GPC5: variants seen among roughly 807,000 people sequenced by gnomAD.
GPC5 encodes glypican-5.
Under a neutral mutation model 53.9 loss-of-function variants are expected in GPC5, and 47 were observed. That is an observed-to-expected ratio of 0.87 (90% CI 0.69 to 1.11). GPC5 has a LOEUF of 1.11. GPC5 is among the 50% of genes most tolerant of loss of function. The pLI, the probability that GPC5 is intolerant of heterozygous loss-of-function variation, is 0.00. For synonymous variants in GPC5, 286 were observed against 263.3 expected (o/e 1.09, Z -0.84); for missense variants, 748 against 713.1 (o/e 1.05, Z -0.56).
At chr13:92,549,884 TAC>T (rs34914341) in intron 7 of GPC5, among the ~76,000 whole-genome samples, 16,280 of 140,672 alleles carry the variant, frequency 0.12, 1,040 homozygotes, top group African/African-American at 0.19. Context: ...AACACACACA[TAC>T]ACACACACAC....
chr13:92,258,232 T>C (rs1258693022), intron 7 of GPC5, among the ~76,000 whole-genome samples: 1 of 152,176 alleles, frequency 6.6e-6, no homozygotes, highest in Admixed American at 6.5e-5. Flanking sequence ...AATAGGGCAA[T>C]ACCCCTTAAC....
intron 7 of GPC5, among the ~76,000 whole-genome samples, chr13:92,632,474 A>ATAT (rs1344799280): frequency 1.7e-4 from 21 of 125,082 alleles, no homozygotes; most frequent in African/African-American, 6.2e-4. Flanking sequence ...ATATATATAT[A>ATAT]TATATATATA....
intron 7 of GPC5, among the ~76,000 whole-genome samples, chr13:92,163,729 A>G (rs1371366048): frequency 6.6e-6 from 1 of 152,314 alleles, no homozygotes. Flanking sequence ...AGACAGTACA[A>G]ATTTCCTATT....
chr13:92,585,205 G>C (rs568549170), intron 7 of GPC5, among the ~76,000 whole-genome samples: 4 of 152,108 alleles, frequency 2.6e-5, no homozygotes, highest in African/African-American at 9.7e-5. Flanking sequence ...AAAAGCCACA[G>C]ACACTCAACA....
intron 6 of GPC5, among the ~76,000 whole-genome samples, chr13:92,090,746 G>T (rs1190228511): frequency 6.6e-6 from 1 of 152,106 alleles, no homozygotes; most frequent in Non-Finnish European, 1.5e-5. Flanking sequence ...GCTGTATTTT[G>T]ATTTAAAATT....
intron 7 of GPC5, among the ~76,000 whole-genome samples, chr13:92,265,977 G>C (rs1205579523): frequency 6.6e-6 from 1 of 152,170 alleles, no homozygotes; most frequent in Non-Finnish European, 1.5e-5. Flanking sequence ...AGCAAGAGGG[G>C]ACTGAACTTG....
chr13:92,726,270 A>C (rs2139293574), intron 7 of GPC5, among the ~76,000 whole-genome samples: 1 of 151,744 alleles, frequency 6.6e-6, no homozygotes, highest in African/African-American at 2.4e-5. Flanking sequence ...TGATCTACAT[A>C]ATTAGATCTT....
chr13:91,977,278 T>G (rs1209981096), intron 6 of GPC5, among the ~76,000 whole-genome samples: 2 of 152,196 alleles, frequency 1.3e-5, no homozygotes, highest in Non-Finnish European at 2.9e-5. Flanking sequence ...TAGCTCATCA[T>G]TTTAATTCCA....
chr13:92,858,709 T>G (rs1278921134), intron 7 of GPC5, among the ~76,000 whole-genome samples: 3 of 152,060 alleles, frequency 2.0e-5, no homozygotes, highest in Non-Finnish European at 2.9e-5. Flanking sequence ...GGGTACAATG[T>G]TCACTGTCTG....
chr13:92,408,573 T>C (rs7329553), intron 7 of GPC5, among the ~76,000 whole-genome samples: 80,529 of 151,412 alleles, frequency 0.53, 21,633 homozygotes, highest in East Asian at 0.72. Context: ...GAGCAAGTGA[T>C]TGGCATCTGG....
chr13:91,875,334 G>T (rs1299736142), intron 5 of GPC5, among the ~76,000 whole-genome samples: 1 of 152,106 alleles, frequency 6.6e-6, no homozygotes, highest in African/African-American at 2.4e-5. Context: ...TTTAAAACAC[G>T]TTAGGTACTT....
intron 6 of GPC5, among the ~76,000 whole-genome samples, chr13:92,016,954 T>C (rs375257280): frequency 6.6e-6 from 1 of 152,252 alleles, no homozygotes; most frequent in East Asian, 1.9e-4. Context: ...TCATTACCTC[T>C]GGACAATGGT....
At chr13:92,104,882 G>T (rs1289952927) in intron 6 of GPC5, among the ~76,000 whole-genome samples, 1 of 152,074 alleles carries the variant, frequency 6.6e-6, no homozygotes, top group Non-Finnish European at 1.5e-5. Flanking sequence ...AATCCATCAA[G>T]ATCTTTGCAG....
intron 7 of GPC5, among the ~76,000 whole-genome samples, chr13:92,407,387 T>C (rs1399639799): frequency 6.6e-6 from 1 of 152,190 alleles, no homozygotes. Flanking sequence ...CTCGACAAGA[T>C]ATTCTCTATA....
chr13:92,607,536 A>G (rs1884295517), intron 7 of GPC5, among the ~76,000 whole-genome samples: 1 of 152,194 alleles, frequency 6.6e-6, no homozygotes, highest in South Asian at 2.1e-4. Flanking sequence ...CTCTAATGGA[A>G]GAGACTGATA....
Position 92,248,730 on chromosome 13 carries a change from T to C in GPC5, c.1561+103741T>C, listed in dbSNP as rs146530611. Among the ~76,000 whole-genome samples the C allele has an allele frequency of 5.5e-3, 844 of 152,276 alleles. 12 individuals are homozygous for C. The highest frequency in any genetic ancestry group is 0.02 in the African/African-American group (814 of 41,564). The stretch of plus-strand genomic sequence containing the variant: ...CTAGGATTCTAACCTGCAAAAGGCA[T>C]AAGGCCGTTGCTGAGTACAGGGTGA... On this transcript the variant is annotated intron_variant, in intron 7 of 7. Transcript: ENST00000377067.
chr13:91,616,399 A>G (rs1026752638), intron 2 of GPC5, among the ~76,000 whole-genome samples: 1 of 152,120 alleles, frequency 6.6e-6, no homozygotes, highest in Non-Finnish European at 1.5e-5. Flanking sequence ...GTTTCCTATA[A>G]AGATGTCTAT....
chr13:92,284,256 C>T (rs943699452), intron 7 of GPC5, among the ~76,000 whole-genome samples: 1 of 151,280 alleles, frequency 6.6e-6, no homozygotes, highest in African/African-American at 2.4e-5. Flanking sequence ...AATAGCCTAC[C>T]AACCAAAAAA....
intron 7 of GPC5, among the ~76,000 whole-genome samples, chr13:92,380,240 T>C (rs2043727788): frequency 6.6e-6 from 1 of 152,176 alleles, no homozygotes. Flanking sequence ...AATGATGCTC[T>C]TGGTGTGCCC....
Sources: allele counts gnomAD v4.1 joint callset (sites outside exome capture counted in the v4.1 genomes callset), GRCh38; gene constraint gnomAD v4.1.1; transcripts MANE v1.5; gene names NCBI Gene and HGNC (gene_info 2026-07-23, HGNC 2026-07-21).